The following BRINP3 variants were observed in gnomAD, a reference collection of about 807,000 sequenced individuals.
The protein encoded by BRINP3 is BMP/retinoic acid-inducible neural-specific protein 3.
In BRINP3, 19 loss-of-function variants were observed where a neutral mutation model predicts 71.0. That is an observed-to-expected ratio of 0.27 (90% CI 0.19 to 0.39). The LOEUF (loss-of-function observed/expected upper bound fraction) is 0.39. Ranked by LOEUF, BRINP3 falls within the 10% of genes least tolerant of loss-of-function variation. The probability of loss-of-function intolerance (pLI) is 1.00; values close to 1 mark genes in which losing one functional copy is unlikely to be tolerated. For synonymous variants in BRINP3, 380 were observed against 337.7 expected (o/e 1.13, Z -1.37); for missense variants, 959 against 940.8 (o/e 1.02, Z -0.25).
intron 2 of BRINP3, among the ~76,000 whole-genome samples, chr1:190,438,985 C>T (rs1258535365): frequency 1.3e-5 from 2 of 151,810 alleles, no homozygotes; most frequent in East Asian, 1.9e-4. Flanking sequence ...TCCCCAGTTG[C>T]CTATGACAGA....
intron 2 of BRINP3, among the ~76,000 whole-genome samples, chr1:190,419,693 A>ACACACG (rs1012804726): frequency 1.8e-5 from 1 of 56,312 alleles, no homozygotes; most frequent in African/African-American, 5.2e-5. Flanking sequence ...ACATTTATAC[A>ACACACG]CACACACACA....
At chr1:190,179,812 T>C (rs1308754858) in intron 6 of BRINP3, among the ~76,000 whole-genome samples, 1 of 152,168 alleles carries the variant, frequency 6.6e-6, no homozygotes, top group Non-Finnish European at 1.5e-5. Flanking sequence ...TATGGGGTAG[T>C]GGCTCAATGA....
At chr1:190,458,870 T>C (rs1676186761) in intron 1 of BRINP3, among the ~76,000 whole-genome samples, 3 of 151,804 alleles carry the variant, frequency 2.0e-5, no homozygotes, top group African/African-American at 7.2e-5. Context: ...ACTGGCCAAC[T>C]AAAGAGATGA....
intron 2 of BRINP3, among the ~76,000 whole-genome samples, chr1:190,317,965 A>G (rs1166584263): frequency 2.0e-5 from 3 of 152,110 alleles, no homozygotes; most frequent in Admixed American, 1.3e-4. Flanking sequence ...TGTAAGCATA[A>G]TCAGTTCCTG....
chr1:190,420,815 T>G (rs1673328911), intron 2 of BRINP3, among the ~76,000 whole-genome samples: 1 of 151,926 alleles, frequency 6.6e-6, no homozygotes, highest in African/African-American at 2.4e-5. Flanking sequence ...AGCTTAAATT[T>G]TATAGACTGC....
intron 5 of BRINP3, among the ~76,000 whole-genome samples, chr1:190,229,472 C>A (rs1022860592): frequency 6.6e-6 from 1 of 151,854 alleles, no homozygotes; most frequent in African/African-American, 2.4e-5. Context: ...TCAAGTATGT[C>A]TTTATTAGCA....
At chr1:190,149,781 C>T (rs2990998) in intron 7 of BRINP3, among the ~76,000 whole-genome samples, 57,384 of 151,890 alleles carry the variant, frequency 0.38, 11,092 homozygotes, top group African/African-American at 0.47. Context: ...ATACAAAGTG[C>T]TACCTGAGAT....
intron 4 of BRINP3, among the ~76,000 whole-genome samples, chr1:190,248,795 T>G (rs958651381): frequency 6.6e-6 from 1 of 151,686 alleles, no homozygotes; most frequent in African/African-American, 2.4e-5. Context: ...TATATTGTAT[T>G]GCATATGACA....
intron 2 of BRINP3, among the ~76,000 whole-genome samples, chr1:190,306,368 G>A (rs551117717): frequency 6.6e-6 from 1 of 151,886 alleles, no homozygotes; most frequent in African/African-American, 2.4e-5. Context: ...GATTTTGGAG[G>A]GCACTGAAAC....
chr1:190,439,541 G>A (rs924963127), intron 2 of BRINP3, among the ~76,000 whole-genome samples: 2 of 151,896 alleles, frequency 1.3e-5, no homozygotes, highest in African/African-American at 4.8e-5. Flanking sequence ...ACGTGTGTGT[G>A]TGTATGTGTA....
chr1:190,385,472 A>T lies in BRINP3; in HGVS notation c.236+69183T>A, dbSNP rs556980510. Among the ~76,000 whole-genome samples, 3 of 152,094 alleles carry T rather than the reference A, an allele frequency of 2.0e-5. No individual in the cohort carries two copies. The East Asian group carries it at 5.8e-4, about 30-fold the overall frequency. ...AGACATTTATGCAGCCAAAAAACAC[A>T]TGAAAAAATGCTCATCATCACTGGC... On this transcript the variant is annotated intron_variant, in intron 2 of 7. Transcript: ENST00000367462.
chr1:190,424,795 G>T (rs904083781), intron 2 of BRINP3, among the ~76,000 whole-genome samples: 1 of 151,642 alleles, frequency 6.6e-6, no homozygotes, highest in South Asian at 2.1e-4. Flanking sequence ...AGAAGTCTCT[G>T]AAATATTACC....
chr1:190,355,555 T>A (rs1165403417), intron 2 of BRINP3, among the ~76,000 whole-genome samples: 2 of 151,920 alleles, frequency 1.3e-5, no homozygotes, highest in Non-Finnish European at 2.9e-5. Context: ...GAAATATAGA[T>A]CTTAATTCTT....
At chr1:190,303,215 G>T (rs928167396) in intron 2 of BRINP3, among the ~76,000 whole-genome samples, 3 of 151,656 alleles carry the variant, frequency 2.0e-5, no homozygotes, top group African/African-American at 7.2e-5. Context: ...ATTAAATTTT[G>T]TAGAAACAGT....
chr1:190,321,594 C>T (rs902627129), intron 2 of BRINP3, among the ~76,000 whole-genome samples: 6 of 151,968 alleles, frequency 3.9e-5, no homozygotes, highest in African/African-American at 1.4e-4. Flanking sequence ...ACAACAAAAG[C>T]TTTTCAGTTT....
intron 2 of BRINP3, among the ~76,000 whole-genome samples, chr1:190,292,441 C>T (rs1430999581): frequency 6.6e-6 from 1 of 152,002 alleles, no homozygotes; most frequent in African/African-American, 2.4e-5. Flanking sequence ...ATTGCTTGGG[C>T]CCAGGAGTTC....
intron 2 of BRINP3, among the ~76,000 whole-genome samples, chr1:190,453,832 A>C (rs1675810418): frequency 6.6e-6 from 1 of 152,224 alleles, no homozygotes; most frequent in South Asian, 2.1e-4. Context: ...AAAAATACAC[A>C]ACAAATGTGC....
intron 2 of BRINP3, among the ~76,000 whole-genome samples, chr1:190,326,660 G>A (rs1666595963): frequency 1.3e-5 from 2 of 151,938 alleles, no homozygotes. Context: ...AGATTTACAA[G>A]GAAAAGAAAA....
At chr1:190,182,051 C>G (rs894410594) in intron 6 of BRINP3, among the ~76,000 whole-genome samples, 1 of 151,990 alleles carries the variant, frequency 6.6e-6, no homozygotes, top group Non-Finnish European at 1.5e-5. Context: ...AGTATTTGAT[C>G]AAAATTATTA....
Sources: allele counts gnomAD v4.1 joint callset (sites outside exome capture counted in the v4.1 genomes callset), GRCh38; gene constraint gnomAD v4.1.1; transcripts MANE v1.5; gene names NCBI Gene and HGNC (gene_info 2026-07-23, HGNC 2026-07-21).